The following TFDP1 variants were observed in gnomAD, a reference collection of about 807,000 sequenced individuals.
TFDP1 encodes the protein DRTF1-polypeptide 1.
TFDP1 carries 6 observed loss-of-function variants against 48.0 expected under a neutral mutation model. The observed-to-expected ratio is 0.13, with a 90% CI of 0.07 to 0.25. The LOEUF (loss-of-function observed/expected upper bound fraction) is 0.25, where lower values mean the gene tolerates loss of function less well. TFDP1 is among the 10% of genes least tolerant of loss of function. The pLI, the probability that TFDP1 is intolerant of heterozygous loss-of-function variation, is 1.00. For missense variants in TFDP1, 335 were observed against 543.0 expected (o/e 0.62, Z 3.81); for synonymous variants, 201 against 211.6 (o/e 0.95, Z 0.44).
At chr13:113,616,480 G>A (rs1430706216) in intron 3 of TFDP1, among the ~76,000 whole-genome samples, 1 of 152,178 alleles carries the variant, frequency 6.6e-6, no homozygotes, top group East Asian at 1.9e-4. Context: ...CACCGTCTGC[G>A]GCGCCAGGCC....
intron 4 of TFDP1, among the ~76,000 whole-genome samples, chr13:113,630,053 A>T (rs1385366561): frequency 6.6e-6 from 1 of 152,158 alleles, no homozygotes; most frequent in African/African-American, 2.4e-5. Context: ...TGCTGAACTC[A>T]ACGTAGGAAG....
rs1217083694 is a variant in TFDP1 at position 113,588,864 on chromosome 13, AGAGTGGTGATGGTGGTGTAGGTGGAGAGT to A, written c.12+3031_12+3059del. ...GAGTGGTGGTAGGACTGGGGGAGAG[AGAGTGGTGATGGTGGTGTAGGTGGAGAGT>A]GAGTGGTGATGGTGGAGTTGGTAGA... On this transcript the variant is annotated intron_variant, in intron 2 of 11. Transcript: ENST00000375370. Among the ~76,000 whole-genome samples the A allele has an allele frequency of 3.4e-5, 5 of 146,998 alleles. No individual in the cohort carries two copies. In the South Asian group the frequency reaches 6.5e-4, roughly 19 times the overall value.
chr13:113,639,620 T>G (rs556444577), intron 11 of TFDP1, among the ~76,000 whole-genome samples: 4 of 152,242 alleles, frequency 2.6e-5, no homozygotes, highest in Non-Finnish European at 5.9e-5. Context: ...CTTTAAACAT[T>G]AGGAACGTAG....
chr13:113,637,937 C>T (rs1167455947), intron 11 of TFDP1, 41 bp downstream of exon 11: 2 of 1,602,346 alleles, frequency 1.2e-6, no homozygotes, highest in Admixed American at 1.7e-5. Context: ...TCATCTGGGC[C>T]TCCCCCGGGG....
chr13:113,624,020 C>A (rs12856707), intron 4 of TFDP1, among the ~76,000 whole-genome samples: 6,260 of 152,202 alleles, frequency 0.041, 176 homozygotes, highest in Middle Eastern at 0.078. Context: ...CATAGCCATC[C>A]CAAGGCTAGG....
At position 113,615,498 on chromosome 13, in the gene TFDP1, G is replaced by A. The variant is rs187501452; in HGVS notation, c.79+4436G>A. Among the ~76,000 whole-genome samples the A allele has an allele frequency of 5.1e-4, 78 of 152,300 alleles. No individual in the cohort carries two copies. In the East Asian group the frequency reaches 0.014, roughly 27 times the overall value. On this transcript the variant is annotated intron_variant, in intron 3 of 11. Transcript: ENST00000375370. ...TGCCTCGTCCTCAGGGAGGCCATCCGGGAGGCCACAGCTGGCCTGGAAGTG... is the reference window on the plus strand; with the variant it reads ...TGCCTCGTCCTCAGGGAGGCCATCCAGGAGGCCACAGCTGGCCTGGAAGTG...
chr13:113,617,479 G>A lies in TFDP1; in HGVS notation c.80-5701G>A, dbSNP rs1264870123. Among the ~76,000 whole-genome samples the A allele has an allele frequency of 4.9e-4, 66 of 135,564 alleles. No homozygotes were observed. The East Asian group carries it at 0.01, about 21-fold the overall frequency. The allele number at this position is 135,564 out of a possible 152,430, so 88.9% of individuals were successfully genotyped here. ...ACCTGCAGAACCGTTCACCTGCAGA[G>A]CCCTTCACCTGCAGAACCGTTCACC... is the stretch of plus-strand genomic sequence containing the variant. On this transcript the variant is annotated intron_variant, in intron 3 of 11. Transcript: ENST00000375370.
intron 2 of TFDP1, among the ~76,000 whole-genome samples, chr13:113,593,341 T>G (rs2048196091): frequency 7.7e-6 from 1 of 130,178 alleles, no homozygotes; most frequent in South Asian, 2.7e-4. Context: ...CCTGCCCAGG[T>G]GACAGGTGTG....
chr13:113,590,699 G>A lies in TFDP1; in HGVS notation c.12+4850G>A, dbSNP rs149915875. On this transcript the variant is annotated intron_variant, in intron 2 of 11. Coordinates refer to ENST00000375370, the MANE Select transcript of TFDP1 (RefSeq NM_007111.5). ...GGATGAGGTTAGAGAAACTCTGAAG[G>A]GATATTAAAAATTAGAAAATTATAG... is the stretch of plus-strand genomic sequence containing the variant. 4.0e-3 allele frequency among the ~76,000 whole-genome samples: 604 copies of A among 152,122 alleles called. 7 individuals are homozygous for A. The highest frequency in any genetic ancestry group is 0.014 in the African/African-American group (567 of 41,514).
At chr13:113,588,837 G>A (rs999775176) in intron 2 of TFDP1, among the ~76,000 whole-genome samples, 2 of 151,942 alleles carry the variant, frequency 1.3e-5, no homozygotes, top group Admixed American at 6.6e-5. Context: ...TGGATGGAGA[G>A]TGAGTGGTGG....
chr13:113,627,643 CT>C lies in TFDP1; in HGVS notation c.187-3979del, dbSNP rs947234459. Among the ~76,000 whole-genome samples the C allele has an allele frequency of 8.5e-5, 13 of 152,270 alleles. No individual in the cohort carries two copies. The highest frequency in any genetic ancestry group is 2.9e-4 in the African/African-American group (12 of 41,558). Reference sequence around the variant, plus strand: ...GCCTTAAATCAGGAGTCCCCAACCCCTGGGCCTGTTAGGAAGCTGGCCGCAC... The same window carrying C: ...GCCTTAAATCAGGAGTCCCCAACCCCGGGCCTGTTAGGAAGCTGGCCGCAC... On this transcript the variant is annotated intron_variant, in intron 4 of 11. Coordinates refer to ENST00000375370, the MANE Select transcript of TFDP1 (RefSeq NM_007111.5). The surrounding 1 kb of genome is among the most constrained non-coding windows in gnomAD (Gnocchi z 4.1).
intron 4 of TFDP1, among the ~76,000 whole-genome samples, chr13:113,626,132 C>T (rs866839111): frequency 2.0e-5 from 3 of 149,210 alleles, no homozygotes; most frequent in African/African-American, 7.7e-5. Flanking sequence ...GTGTCTCTCA[C>T]GTGTCCTCAG....
At chr13:113,601,686 G>A (rs1293019112) in intron 2 of TFDP1, among the ~76,000 whole-genome samples, 3 of 152,246 alleles carry the variant, frequency 2.0e-5, no homozygotes, top group Admixed American at 6.5e-5. Flanking sequence ...TCCCAGGCCC[G>A]GCCCCAGAGG....
At chr13:113,599,445 G>T (rs189508307) in intron 2 of TFDP1, among the ~76,000 whole-genome samples, 2 of 152,124 alleles carry the variant, frequency 1.3e-5, no homozygotes, top group African/African-American at 4.8e-5. Context: ...TTGGAGCCTC[G>T]CCCCCTCCAG....
intron 4 of TFDP1, among the ~76,000 whole-genome samples, chr13:113,624,105 TGGCCCCGCCTG>T (rs1277096926): frequency 6.6e-6 from 1 of 152,092 alleles, no homozygotes; most frequent in Non-Finnish European, 1.5e-5. Context: ...GATGATGCTG[TGGCCCCGCCTG>T]GGCAGCTGCC....
chr13:113,631,962 A>G (rs1421508789), intron 5 of TFDP1: 1 of 588,224 alleles, frequency 1.7e-6, no homozygotes, highest in Non-Finnish European at 2.9e-6. Context: ...GGCACCGCCC[A>G]CCCCGCTTTG....
At chr13:113,601,665 C>T (rs371850467) in intron 2 of TFDP1, among the ~76,000 whole-genome samples, 2 of 152,172 alleles carry the variant, frequency 1.3e-5, no homozygotes, top group Non-Finnish European at 2.9e-5. Context: ...CGTGGGAGCT[C>T]GAGGCTGGGG....
chr13:113,620,272 G>T (rs1315585388), intron 3 of TFDP1, among the ~76,000 whole-genome samples: 3 of 152,222 alleles, frequency 2.0e-5, no homozygotes, highest in Non-Finnish European at 2.9e-5. Context: ...TCCCTGATGG[G>T]GCAGGAAAGG....
At chr13:113,640,067 G>A in intron 11 of TFDP1, 53 bp from the exon 12 acceptor site, 1 of 1,363,424 alleles carries the variant, frequency 7.3e-7, no homozygotes, top group Non-Finnish European at 1.0e-6. Flanking sequence ...GAGGCGGGGG[G>A]AGGCTGGGTG....
Sources: gnomAD v4.1 joint callset for allele counts (sites outside exome capture counted in the v4.1 genomes callset) on GRCh38, gnomAD v4.1.1 for gene constraint, Gnocchi (gnomAD v3.1) non-coding constraint, MANE v1.5 for transcripts, NCBI Gene and HGNC (gene_info 2026-07-23, HGNC 2026-07-21) for gene names.